The following SHCBP1L variants were observed in gnomAD, a reference collection of about 807,000 sequenced individuals.
SHCBP1L encodes the protein testicular spindle-associated protein SHCBP1L.
SHCBP1L carries 67 observed loss-of-function variants against 62.5 expected under a neutral mutation model. The observed-to-expected ratio is 1.07, with a 90% CI of 0.88 to 1.31. The LOEUF (loss-of-function observed/expected upper bound fraction) is 1.31. SHCBP1L is among the 40% of genes most tolerant of loss of function. The pLI, the probability that SHCBP1L is intolerant of heterozygous loss-of-function variation, is 0.00. For synonymous variants in SHCBP1L, 284 were observed against 289.4 expected (o/e 0.98, Z 0.19); for missense variants, 823 against 809.8 (o/e 1.02, Z -0.20).
chr1:182,927,095 TA>T, intron 6 of SHCBP1L, among the ~76,000 whole-genome samples: 3 of 30,744 alleles, frequency 9.8e-5, no homozygotes, highest in African/African-American at 2.7e-4. Context: ...TATATATATA[TA>T]TATATATATA....
At chr1:182,946,157 G>A (rs553910544) in intron 2 of SHCBP1L, among the ~76,000 whole-genome samples, 1 of 150,948 alleles carries the variant, frequency 6.6e-6, no homozygotes, top group East Asian at 1.9e-4. Context: ...GAATCTTATT[G>A]GACCTTCTCT....
At chr1:182,924,855 G>A (rs1467446407) in intron 6 of SHCBP1L, among the ~76,000 whole-genome samples, 1 of 142,236 alleles carries the variant, frequency 7.0e-6, no homozygotes, top group Non-Finnish European at 1.5e-5. Flanking sequence ...AAGGGAGGGA[G>A]GAAGGAAGGA....
intron 6 of SHCBP1L, 24 bp from the exon 7 acceptor site, chr1:182,905,673 G>T: frequency 6.2e-7 from 1 of 1,603,868 alleles, no homozygotes; most frequent in Non-Finnish European, 8.5e-7. Context: ...AAACACTTGC[G>T]CTTTCAATAA....
At chr1:182,930,949 C>CA (rs1650979992) in intron 5 of SHCBP1L, among the ~76,000 whole-genome samples, 2 of 144,366 alleles carry the variant, frequency 1.4e-5, no homozygotes, top group Non-Finnish European at 3.0e-5. Context: ...TGGTCTTGAA[C>CA]TCCTGGCCTC....
chr1:182,930,617 AT>A (rs1326228677), intron 5 of SHCBP1L, among the ~76,000 whole-genome samples: 1 of 115,538 alleles, frequency 8.7e-6, no homozygotes, highest in African/African-American at 3.1e-5. Context: ...ATATATATAT[AT>A]TTTTTATTAA....
At chr1:182,930,482 A>G (rs1159921671) in intron 5 of SHCBP1L, among the ~76,000 whole-genome samples, 3 of 142,168 alleles carry the variant, frequency 2.1e-5, no homozygotes, top group Non-Finnish European at 4.5e-5. Context: ...TCTTTAGTGT[A>G]ATCTTTTGCA....
chr1:182,952,865 T>G lies in SHCBP1L; in HGVS notation c.269A>C (p.Glu90Ala), dbSNP rs1651833893. 1.2e-6 allele frequency: 2 copies of G among 1,601,458 alleles called. No homozygotes were observed. Among genetic ancestry groups the G allele is most frequent in the Non-Finnish European group, 1.7e-6 (2 of 1,175,152 alleles). The change falls in exon 1 of 10, where the codon GAG becomes GCG. Residue 90 changes from glutamate (E) to alanine (A), a missense_variant. Physicochemically the swap from Glu to Ala is moderately radical, Grantham distance 107. Transcript: ENST00000367547. Reference sequence around the variant, plus strand: ...CTCAGGCACTGGCAGCAGGGGCTCCTCCGCCGCCGCCGCCGCCGCCTCTCC... The same window carrying G: ...CTCAGGCACTGGCAGCAGGGGCTCCGCCGCCGCCGCCGCCGCCGCCTCTCC... ...DTGEAAAAAA[E>A]EPLLPVPEDE...
chr1:182,933,831 A>C (rs940000298), intron 5 of SHCBP1L, among the ~76,000 whole-genome samples: 2 of 151,986 alleles, frequency 1.3e-5, no homozygotes, highest in Admixed American at 1.3e-4. Flanking sequence ...GATTCAGAGT[A>C]GTATATTGGT....
chr1:182,915,265 CAG>C (rs1650321750), intron 6 of SHCBP1L, among the ~76,000 whole-genome samples: 1 of 127,896 alleles, frequency 7.8e-6, no homozygotes, highest in South Asian at 2.8e-4. Flanking sequence ...TCTGTACAAA[CAG>C]TAATTGAAAA....
At position 182,900,239 on chromosome 1, in the gene SHCBP1L, T is replaced by C; in HGVS notation, c.1711-5A>G. The C allele has an allele frequency of 6.5e-7, 1 of 1,537,570 alleles. No homozygotes were observed. The highest frequency in any genetic ancestry group is 8.7e-7 in the Non-Finnish European group (1 of 1,143,842). On this transcript the variant is annotated splice_polypyrimidine_tract_variant and splice_region_variant and intron_variant, in intron 9 of 9. Coordinates refer to ENST00000367547, the MANE Select transcript of SHCBP1L (RefSeq NM_030933.4). Reference sequence around the variant, plus strand: ...CAATTTGGGTGCTGGAAGAACCTATTAAATTATTTGAGGAAATTAGTTTTT... The same window carrying C: ...CAATTTGGGTGCTGGAAGAACCTATCAAATTATTTGAGGAAATTAGTTTTT...
At chr1:182,941,329 G>A (rs1173963319) in intron 2 of SHCBP1L, among the ~76,000 whole-genome samples, 1 of 149,484 alleles carries the variant, frequency 6.7e-6, no homozygotes, top group Non-Finnish European at 1.5e-5. Context: ...GATTTTATTG[G>A]TTAAGGATCA....
intron 9 of SHCBP1L, among the ~76,000 whole-genome samples, chr1:182,901,200 G>A (rs1273170239): frequency 6.6e-6 from 1 of 152,144 alleles, no homozygotes; most frequent in Non-Finnish European, 1.5e-5. Flanking sequence ...GCTCACACCT[G>A]TAATCCCAGC....
rs370858193 is a variant in SHCBP1L, at chr1:182,939,233, T to C, written c.1019A>G (p.Tyr340Cys). ...TCCACAGAGCATGACTATCTCATAG[T>C]ATTTTTTCCAGCATTCAACAGCCTC... ...AAEAVECWKK[Y>C]YEIVMLCGLL... The change falls in exon 5 of 10, where the codon TAC becomes TGC. Residue 340 changes from tyrosine (Y) to cysteine (C), a missense_variant. Coordinates refer to ENST00000367547, the MANE Select transcript of SHCBP1L (RefSeq NM_030933.4). The C allele has an allele frequency of 8.1e-6, 13 of 1,613,896 alleles. No individual in the cohort carries two copies. Among genetic ancestry groups the C allele is most frequent in the Non-Finnish European group, 1.0e-5 (12 of 1,179,968 alleles).
At chr1:182,910,996 TCTC>T (rs1650167932) in intron 6 of SHCBP1L, among the ~76,000 whole-genome samples, 2 of 152,124 alleles carry the variant, frequency 1.3e-5, no homozygotes. Flanking sequence ...TTCAAGCGAT[TCTC>T]CTGCCTCAGC....
In SHCBP1L at chr1:182,899,885, A is replaced by C. The variant is rs931694012; in HGVS notation, c.*98T>G. 3 of 1,018,602 alleles carry C rather than the reference A, an allele frequency of 2.9e-6. No individual in the cohort carries two copies. The African/African-American group carries it at 4.9e-5, about 17-fold the overall frequency. 63.1% of individuals were successfully genotyped at this position (1,018,602 alleles called of 1,614,324 possible). On this transcript the variant is annotated 3_prime_UTR_variant, in exon 10 of 10. Transcript: ENST00000367547. ...AAGCATGATATTTAAATATTTTTTA[A>C]TTAAGCTTTGAATTGAAACTACCAT...
chr1:182,952,611 A>G, intron 1 of SHCBP1L, 118 bp downstream of exon 1: 1 of 1,256,064 alleles, frequency 8.0e-7, no homozygotes, highest in South Asian at 1.6e-5. Context: ...CTTTTTTGAA[A>G]CGCAAGTTTT....
intron 5 of SHCBP1L, among the ~76,000 whole-genome samples, 198 bp downstream of exon 5, chr1:182,938,978 C>CAA (rs200240285): frequency 6.6e-6 from 1 of 151,282 alleles, no homozygotes; most frequent in Non-Finnish European, 1.5e-5. Flanking sequence ...TTCTTTTGGT[C>CAA]AAAAAAAACA....
intron 6 of SHCBP1L, among the ~76,000 whole-genome samples, chr1:182,915,257 T>C (rs1310100816): frequency 6.7e-6 from 1 of 149,602 alleles, no homozygotes; most frequent in Non-Finnish European, 1.5e-5. Flanking sequence ...AAAGATATTC[T>C]GTACAAACAG....
chr1:182,924,758 AAGAAAGAAAGAAAG>A (rs1650643110), intron 6 of SHCBP1L, among the ~76,000 whole-genome samples: 1 of 112,024 alleles, frequency 8.9e-6, no homozygotes, highest in Admixed American at 8.5e-5. Context: ...GAAAGAAAGA[AAGAAAGAAAGAAAG>A]AAAGAAAGAA....
Sources: gnomAD v4.1 joint callset for allele counts (sites outside exome capture counted in the v4.1 genomes callset) on GRCh38, gnomAD v4.1.1 for gene constraint, MANE v1.5 for transcripts, NCBI Gene and HGNC (gene_info 2026-07-23, HGNC 2026-07-21) for gene names.